The following NCAM1 variants were observed in gnomAD, a reference collection of about 807,000 sequenced individuals.
The protein encoded by NCAM1 is neural cell adhesion molecule 1, also known as antigen recognized by monoclonal antibody 5.1H11.
A neutral mutation model predicts 109.8 loss-of-function variants in NCAM1; 14 were observed. The ratio of observed to expected loss-of-function variants is 0.13; its 90% CI spans 0.08 to 0.20. NCAM1 has a LOEUF of 0.20. NCAM1 is among the 10% of genes least tolerant of loss of function. The pLI is 1.00. For missense variants in NCAM1, 774 were observed against 1,109.9 expected (o/e 0.70, Z 4.30); for synonymous variants, 418 against 442.9 (o/e 0.94, Z 0.70).
intron 8 of NCAM1, among the ~76,000 whole-genome samples, chr11:113,219,873 T>C (rs1297370918): frequency 1.3e-5 from 2 of 152,238 alleles, no homozygotes; most frequent in Non-Finnish European, 2.9e-5. Flanking sequence ...ACCGTTACTT[T>C]GGTCTCTGCA....
rs199866482 is a variant in NCAM1, at chr11:113,260,428, CA to C, written c.2131+106del. 7.0e-3 allele frequency: 8,778 copies of C among 1,254,614 alleles called. 62 individuals carry two copies. Among genetic ancestry groups the C allele is most frequent in the Non-Finnish European group, 8.2e-3 (7,468 of 905,846 alleles). The allele number at this position is 1,254,614 out of a possible 1,614,324, so 77.7% of individuals were successfully genotyped here. A position where few individuals can be genotyped will look rare whatever the true frequency, so the allele number is the denominator to read the frequency against. The stretch of plus-strand genomic sequence containing the variant: ...CCCTGACAACTTGCTTGCTTACAGC[CA>C]TCCTCATGATTGGTTGCCCATGCAA... On this transcript the variant is annotated intron_variant, in intron 17 of 19. Transcript: ENST00000316851.
intron 1 of NCAM1, among the ~76,000 whole-genome samples, chr11:113,039,257 G>C (rs1183910703): frequency 6.6e-6 from 1 of 152,148 alleles, no homozygotes; most frequent in African/African-American, 2.4e-5. Context: ...TTTTCCTGGC[G>C]AGGTTTTTGT....
intron 15 of NCAM1, among the ~76,000 whole-genome samples, chr11:113,249,013 C>G (rs1249512683): frequency 2.6e-5 from 4 of 152,196 alleles, no homozygotes; most frequent in African/African-American, 9.7e-5. Flanking sequence ...TGGGACTCCC[C>G]ACCAGCAGCA....
chr11:112,964,874 A>G (rs1305771870), intron 1 of NCAM1, among the ~76,000 whole-genome samples: 1 of 152,236 alleles, frequency 6.6e-6, no homozygotes, highest in Non-Finnish European at 1.5e-5. Context: ...AATATAATCC[A>G]GACATTGTAG....
At chr11:113,099,071 C>CCTCAAAGCG (rs1555091023) in intron 1 of NCAM1, among the ~76,000 whole-genome samples, 1 of 152,112 alleles carries the variant, frequency 6.6e-6, no homozygotes, top group Admixed American at 6.6e-5. Context: ...CTCAAAACAA[C>CCTCAAAGCG]CCTAGAAGGT....
intron 9 of NCAM1, among the ~76,000 whole-genome samples, chr11:113,224,687 A>T (rs1191351009): frequency 6.6e-6 from 1 of 152,196 alleles, no homozygotes; most frequent in Non-Finnish European, 1.5e-5. Flanking sequence ...ACCCCCCAGT[A>T]GGGGCAGACT....
chr11:113,271,666 C>A, intron 18 of NCAM1, 94 bp from the exon 19 acceptor site: 1 of 861,270 alleles, frequency 1.2e-6, no homozygotes, highest in Non-Finnish European at 1.8e-6. Context: ...TGGATGCCCA[C>A]CGTGCCAGCC....
At chr11:113,019,542 A>G (rs910369862) in intron 1 of NCAM1, among the ~76,000 whole-genome samples, 1 of 151,994 alleles carries the variant, frequency 6.6e-6, no homozygotes, top group Non-Finnish European at 1.5e-5. Context: ...CCTTTCCTCT[A>G]TCCATCCTTA....
At chr11:113,076,678 A>G (rs1194258617) in intron 1 of NCAM1, among the ~76,000 whole-genome samples, 1 of 152,232 alleles carries the variant, frequency 6.6e-6, no homozygotes, top group Non-Finnish European at 1.5e-5. Flanking sequence ...TGCAAAATAA[A>G]GTAAGATATT....
intron 1 of NCAM1, among the ~76,000 whole-genome samples, chr11:113,110,593 A>G (rs1280008778): frequency 1.3e-5 from 2 of 152,210 alleles, no homozygotes; most frequent in African/African-American, 4.8e-5. Flanking sequence ...TCTAAATAGT[A>G]AGAAAATATT....
intron 14 of NCAM1, among the ~76,000 whole-genome samples, chr11:113,236,895 G>A (rs1216477650): frequency 5.9e-5 from 9 of 152,344 alleles, no homozygotes; most frequent in East Asian, 3.9e-4. Flanking sequence ...TAGTCAAAAC[G>A]TAGCATGAAC....
At chr11:113,045,381 C>T (rs1430556721) in intron 1 of NCAM1, among the ~76,000 whole-genome samples, 1 of 152,098 alleles carries the variant, frequency 6.6e-6, no homozygotes. Context: ...GCTTCGGCAG[C>T]TCGGCAGGTG....
chr11:113,273,661 C>T lies in NCAM1; in HGVS notation c.2457-1606C>T. 2.2e-6 allele frequency: 1 copy of T among 456,212 alleles called. No individual in the cohort carries two copies. Among genetic ancestry groups the T allele is most frequent in the South Asian group, 1.5e-5 (1 of 64,530 alleles). 28.3% of individuals were successfully genotyped at this position (456,212 alleles called of 1,614,324 possible). A position where few individuals can be genotyped will look rare whatever the true frequency, so the allele number is the denominator to read the frequency against. On this transcript the variant is annotated intron_variant, in intron 19 of 19. Coordinates refer to ENST00000316851, the MANE Select transcript of NCAM1 (RefSeq NM_181351.5). This position sits in a 1 kb window ranked among gnomAD's most constrained non-coding sequence, Gnocchi z 6.0. ...GTTTTTGCAGCCCTGGGCTCTCCTG[C>T]TCCCGCCGCTGGGGCCAGTGGACAA...
chr11:113,026,753 T>G (rs1952557856), intron 1 of NCAM1, among the ~76,000 whole-genome samples: 1 of 152,218 alleles, frequency 6.6e-6, no homozygotes, highest in South Asian at 2.1e-4. Context: ...GTAACGATGA[T>G]AGCTGTCATT....
intron 1 of NCAM1, among the ~76,000 whole-genome samples, chr11:113,062,910 G>A (rs1220491284): frequency 6.6e-6 from 1 of 152,160 alleles, no homozygotes; most frequent in Non-Finnish European, 1.5e-5. Flanking sequence ...TGAGGCTGCA[G>A]TGAGCCATGA....
At chr11:113,137,705 A>G (rs1054943352) in intron 1 of NCAM1, among the ~76,000 whole-genome samples, 2 of 152,230 alleles carry the variant, frequency 1.3e-5, no homozygotes, top group Non-Finnish European at 2.9e-5. Context: ...TTTAAAGGAA[A>G]TCACAGTAGG....
At chr11:113,071,464 C>G (rs184766341) in intron 1 of NCAM1, among the ~76,000 whole-genome samples, 4 of 133,650 alleles carry the variant, frequency 3.0e-5, no homozygotes, top group African/African-American at 1.1e-4. Context: ...CTCGCTTTAT[C>G]GCCCAGGCTG....
intron 7 of NCAM1, among the ~76,000 whole-genome samples, chr11:113,211,699 C>A (rs1179448384): frequency 2.0e-5 from 3 of 152,194 alleles, no homozygotes; most frequent in Non-Finnish European, 4.4e-5. Context: ...CAGCTAAGGA[C>A]AAGCAGTGGC....
intron 17 of NCAM1, chr11:113,269,722 A>C: frequency 4.9e-6 from 1 of 202,224 alleles, no homozygotes. Context: ...AAGCCCCAAG[A>C]AAGCCCCAGG....
Sources: gnomAD v4.1 joint callset for allele counts (sites outside exome capture counted in the v4.1 genomes callset) on GRCh38, gnomAD v4.1.1 for gene constraint, Gnocchi (gnomAD v3.1) non-coding constraint, MANE v1.5 for transcripts, NCBI Gene and HGNC (gene_info 2026-07-23, HGNC 2026-07-21) for gene names.